LAMA3: variants seen among roughly 807,000 people sequenced by gnomAD.
LAMA3 encodes laminin subunit alpha-3.
A neutral mutation model predicts 402.0 loss-of-function variants in LAMA3; 281 were observed. The ratio of observed to expected loss-of-function variants is 0.70; its 90% CI spans 0.63 to 0.77. The LOEUF (loss-of-function observed/expected upper bound fraction) is 0.77. LAMA3 is among the 30% of genes least tolerant of loss of function. LAMA3 has a pLI of 0.00. For missense variants in LAMA3, 3,840 were observed against 4,215.5 expected (o/e 0.91, Z 2.47); for synonymous variants, 1,431 against 1,558.4 (o/e 0.92, Z 1.93).
chr18:23,702,050 C>T (rs2060800258), intron 1 of LAMA3, among the ~76,000 whole-genome samples: 2 of 151,820 alleles, frequency 1.3e-5, no homozygotes, highest in African/African-American at 2.4e-5. Context: ...GAGTGAGTGT[C>T]AGGGGACAGG....
chr18:23,703,340 T>C (rs2060825450), intron 1 of LAMA3, among the ~76,000 whole-genome samples: 1 of 152,204 alleles, frequency 6.6e-6, no homozygotes, highest in Non-Finnish European at 1.5e-5. Flanking sequence ...TAACCCATTA[T>C]AATAAAGAGA....
chr18:23,864,883 T>C lies in LAMA3; in HGVS notation c.4683T>C (p.Thr1561=). Residue 1561 remains threonine, a splice_region_variant and synonymous_variant, in exon 36 of 75, where the codon ACT becomes ACC. Coordinates refer to ENST00000313654, the MANE Select transcript of LAMA3 (RefSeq NM_198129.4). The stretch of plus-strand genomic sequence containing the variant: ...AAAAGAAGCCGGATGTACAGCTCAC[T>C]GTAGGTATCAGAGCATGACCTAAGT... The part of the protein sequence containing the change: ...LLEKKPDVQL[T]GQHMSIIYEE... 3 of 1,605,212 alleles carry C rather than the reference T, an allele frequency of 1.9e-6. No homozygotes were observed. Among genetic ancestry groups the C allele is most frequent in the Non-Finnish European group, 2.6e-6 (3 of 1,172,318 alleles).
At chr18:23,792,374 A>C (rs193163539) in intron 12 of LAMA3, among the ~76,000 whole-genome samples, 147 of 152,296 alleles carry the variant, frequency 9.7e-4, no homozygotes, top group South Asian at 2.9e-3. Context: ...TGGAGCAGTA[A>C]GTGAGCATGT....
rs200365762 is a variant in LAMA3, at chr18:23,946,152, T to C, written c.9219T>C (p.Phe3073=). 1.1e-5 allele frequency: 18 copies of C among 1,613,882 alleles called. No individual in the cohort carries two copies. The African/African-American group carries it at 1.9e-4, about 17-fold the overall frequency. ...TCTTTCTTACTCTGAAGGTGGTGTT[T>C]GGCCATGATGGGGAAAAGGGGCGCT... ...CNDGKWHTVV[F]GHDGEKGRLV... Residue 3073 remains phenylalanine (F), a synonymous_variant, in exon 70 of 75, where the codon TTT becomes TTC. Coordinates refer to ENST00000313654, the MANE Select transcript of LAMA3 (RefSeq NM_198129.4).
At chr18:23,871,355 G>A (rs1348562650) in intron 37 of LAMA3, 76 bp from the exon 38 acceptor site, 8 of 1,122,534 alleles carry the variant, frequency 7.1e-6, no homozygotes, top group South Asian at 5.0e-5. Flanking sequence ...TGATTCATTC[G>A]GGGTGTCTGC....
chr18:23,714,565 CAGATAGA>C (rs2061061017), intron 2 of LAMA3, among the ~76,000 whole-genome samples: 1 of 152,034 alleles, frequency 6.6e-6, no homozygotes, highest in South Asian at 2.1e-4. Flanking sequence ...TGGCAGCATG[CAGATAGA>C]TGCCCATCCC....
chr18:23,734,375 G>A (rs2061439357), intron 2 of LAMA3, among the ~76,000 whole-genome samples: 1 of 152,184 alleles, frequency 6.6e-6, no homozygotes, highest in African/African-American at 2.4e-5. Context: ...CCATCAGTTT[G>A]TGTCCTTGGG....
chr18:23,840,011 G>A, intron 27 of LAMA3, 82 bp downstream of exon 27: 2 of 1,460,334 alleles, frequency 1.4e-6, no homozygotes, highest in African/African-American at 2.8e-5. Flanking sequence ...AAACTTGTCA[G>A]CAATGCAGAT....
intron 38 of LAMA3, chr18:23,873,072 T>C (rs1454336026): frequency 1.2e-5 from 19 of 1,614,090 alleles, no homozygotes; most frequent in Non-Finnish European, 1.5e-5. Flanking sequence ...GCGGTCAGCC[T>C]GCAGCATGGG....
At position 23,918,920 on chromosome 18, in the gene LAMA3, G is replaced by A. The variant is rs2081736242; in HGVS notation, c.7924-2015G>A. On this transcript the variant is annotated intron_variant, in intron 60 of 74. Transcript: ENST00000313654. This position sits in a 1 kb window ranked among gnomAD's most constrained non-coding sequence, Gnocchi z 4.1. ...TTCCAAGGCTGGACCAGTTCTGATG[G>A]TTTGGGAAGGTCCCAGCCAGCCTGA... Among the ~76,000 whole-genome samples the A allele has an allele frequency of 6.6e-6, 1 of 152,196 alleles. No individual in the cohort carries two copies. Among genetic ancestry groups the A allele is most frequent in the African/African-American group, 2.4e-5 (1 of 41,442 alleles).
Position 23,861,888 on chromosome 18 carries a change from A to G in LAMA3, c.4584+81A>G. 3 of 1,433,206 alleles carry G rather than the reference A, an allele frequency of 2.1e-6. No individual in the cohort carries two copies. In the South Asian group the frequency reaches 3.9e-5, roughly 19 times the overall value. 88.8% of individuals were successfully genotyped at this position (1,433,206 alleles called of 1,614,324 possible). On this transcript the variant is annotated intron_variant, in intron 35 of 74. Coordinates refer to ENST00000313654, the MANE Select transcript of LAMA3 (RefSeq NM_198129.4). ...TGAGCATCATTTCCTGGAAATCTGG[A>G]AGGAAGCATCCAGCAGTTCAGGTTA...
At chr18:23,693,486 C>T (rs2060629995) in intron 1 of LAMA3, among the ~76,000 whole-genome samples, 2 of 149,664 alleles carry the variant, frequency 1.3e-5, no homozygotes, top group Admixed American at 6.7e-5. Context: ...TAGAGTAGAT[C>T]TGCTAGCAGG....
chr18:23,703,952 G>C (rs148793717), intron 1 of LAMA3, among the ~76,000 whole-genome samples: 137 of 152,336 alleles, frequency 9.0e-4, no homozygotes, highest in African/African-American at 3.2e-3. Flanking sequence ...CTTTGCAAAG[G>C]AGCAATTCCA....
chr18:23,928,154 T>C lies in LAMA3; in HGVS notation c.8209T>C (p.Cys2737Arg). The change falls in exon 63 of 75, where the codon TGC (cysteine) becomes CGC (arginine). Residue 2737 changes from cysteine to arginine, a missense_variant. Cys to Arg is a radical substitution (Grantham distance 180). Around this residue, in one of 3 missense-constraint regions of LAMA3, gnomAD observed 840 missense variants for 981.9 expected, o/e 0.86. Transcript: ENST00000313654. ...FNISTPAFRG[C>R]MKNLKKTSGV... ...CATTTCTACGCCTGCTTTCCGAGGC[T>C]GCATGAAAAATTTGAAGAAAACCAG... 6.2e-7 allele frequency: 1 copy of C among 1,614,002 alleles called. No homozygotes were observed. The highest frequency in any genetic ancestry group is 8.5e-7 in the Non-Finnish European group (1 of 1,179,836).
At chr18:23,940,711 G>T (rs571514427) in intron 68 of LAMA3, among the ~76,000 whole-genome samples, 22 of 152,272 alleles carry the variant, frequency 1.4e-4, no homozygotes, top group African/African-American at 5.3e-4. Context: ...GCCAAGCTCT[G>T]AAGGAGAAAG....
chr18:23,871,722 C>T (rs1568279729), intron 38 of LAMA3, 61 bp downstream of exon 38: 1 of 1,315,090 alleles, frequency 7.6e-7, no homozygotes, highest in East Asian at 2.5e-5. Context: ...TTTTTGGCTG[C>T]TGTCCAGCAC....
At chr18:23,917,352 G>A (rs1183279703) in intron 60 of LAMA3, among the ~76,000 whole-genome samples, 3 of 152,158 alleles carry the variant, frequency 2.0e-5, no homozygotes, top group African/African-American at 7.2e-5. Flanking sequence ...TGTCTTTATG[G>A]TAGAACGATT....
At chr18:23,713,721 G>T (rs941610802) in intron 1 of LAMA3, among the ~76,000 whole-genome samples, 199 bp from the exon 2 acceptor site, 7 of 152,116 alleles carry the variant, frequency 4.6e-5, no homozygotes, top group Non-Finnish European at 1.0e-4. Context: ...CGGTGATAAG[G>T]TTTAAGATAA....
chr18:23,728,467 A>G (rs2061335424), intron 2 of LAMA3, among the ~76,000 whole-genome samples: 1 of 152,190 alleles, frequency 6.6e-6, no homozygotes, highest in African/African-American at 2.4e-5. Context: ...GGGATCCAGC[A>G]TCTGTTCCCT....
Sources: allele counts gnomAD v4.1 joint callset (sites outside exome capture counted in the v4.1 genomes callset), GRCh38; gene constraint gnomAD v4.1.1; regional missense constraint gnomAD v4.1.1; non-coding constraint Gnocchi (gnomAD v3.1); transcripts MANE v1.5; gene names NCBI Gene and HGNC (gene_info 2026-07-23, HGNC 2026-07-21).